The following MBNL1 variants were observed in gnomAD, a reference collection of about 807,000 sequenced individuals.
The protein encoded by MBNL1 is muscleblind like splicing regulator 1.
In MBNL1, 8 loss-of-function variants were observed where a neutral mutation model predicts 42.2. The observed-to-expected ratio is 0.19, with a 90% CI of 0.11 to 0.34. The LOEUF is 0.34. MBNL1 is among the 10% of genes least tolerant of loss of function. MBNL1 has a pLI of 1.00. For missense variants in MBNL1, 309 were observed against 495.3 expected, an observed-to-expected ratio of 0.62 and a Z score of 3.57; for synonymous variants, 169 against 173.9, an observed-to-expected ratio of 0.97 and a Z score of 0.22.
chr3:152,366,768 G>T (rs932799509), intron 2 of MBNL1, among the ~76,000 whole-genome samples: 3 of 152,058 alleles, frequency 2.0e-5, no homozygotes, highest in Admixed American at 6.6e-5. Context: ...TGTTTTTGTT[G>T]TGAAAATTAG....
intron 2 of MBNL1, among the ~76,000 whole-genome samples, chr3:152,388,384 C>T (rs764014048): frequency 6.6e-6 from 1 of 152,194 alleles, no homozygotes; most frequent in Non-Finnish European, 1.5e-5. Flanking sequence ...CAGTGCTTTA[C>T]AAACAGGACT....
chr3:152,333,379 G>T (rs766657301), intron 2 of MBNL1, among the ~76,000 whole-genome samples: 4 of 152,316 alleles, frequency 2.6e-5, no homozygotes, highest in South Asian at 2.1e-4. Context: ...GTGCATATTT[G>T]TACACAGTTA....
intron 2 of MBNL1, among the ~76,000 whole-genome samples, chr3:152,323,041 C>G (rs1348977545): frequency 6.6e-6 from 1 of 152,120 alleles, no homozygotes; most frequent in Non-Finnish European, 1.5e-5. Flanking sequence ...TGGGGTTATA[C>G]TGGTTTCAGT....
At chr3:152,304,297 C>G (rs1054625737) in intron 2 of MBNL1, among the ~76,000 whole-genome samples, 2 of 152,148 alleles carry the variant, frequency 1.3e-5, no homozygotes, top group East Asian at 3.8e-4. Flanking sequence ...AGAAGATCCT[C>G]TGTTGCTAGC....
intron 1 of MBNL1, among the ~76,000 whole-genome samples, chr3:152,274,625 G>A (rs1413066597): frequency 2.0e-5 from 3 of 152,054 alleles, no homozygotes; most frequent in Non-Finnish European, 2.9e-5. Flanking sequence ...TTCTGTTAAC[G>A]CAGTATTCTA....
intron 2 of MBNL1, among the ~76,000 whole-genome samples, chr3:152,262,083 C>T (rs2036389282): frequency 6.6e-6 from 1 of 152,184 alleles, no homozygotes; most frequent in African/African-American, 2.4e-5. Flanking sequence ...TTGCAAAAGA[C>T]TTAATAACTT....
intron 1 of MBNL1, among the ~76,000 whole-genome samples, chr3:152,274,373 A>C (rs79223973): frequency 0.071 from 10,806 of 152,258 alleles, 508 homozygotes; most frequent in Middle Eastern, 0.16. Flanking sequence ...AGATAGATAT[A>C]CGTTGTCCTC....
At chr3:152,362,335 T>C (rs1037683241) in intron 2 of MBNL1, among the ~76,000 whole-genome samples, 1 of 152,160 alleles carries the variant, frequency 6.6e-6, no homozygotes, top group African/African-American at 2.4e-5. Context: ...GAGACAGCAC[T>C]AGTAGGGGTG....
At chr3:152,358,678 TTAAC>T (rs2095703428) in intron 2 of MBNL1, among the ~76,000 whole-genome samples, 1 of 152,170 alleles carries the variant, frequency 6.6e-6, no homozygotes, top group Middle Eastern at 3.2e-3. Context: ...AAGCACTAGT[TTAAC>T]TATCTTTTCT....
intron 3 of MBNL1, among the ~76,000 whole-genome samples, chr3:152,429,101 GAA>G (rs397843450): frequency 1.1e-5 from 1 of 94,732 alleles, no homozygotes; most frequent in Non-Finnish European, 2.6e-5. Context: ...AAACACAAAA[GAA>G]AAGAAAATTA....
At chr3:152,349,403 ACATAT>A (rs2094664903) in intron 2 of MBNL1, among the ~76,000 whole-genome samples, 1 of 152,014 alleles carries the variant, frequency 6.6e-6, no homozygotes, top group Admixed American at 6.6e-5. Flanking sequence ...ACAGTTGGAA[ACATAT>A]CTTATTTTTA....
At chr3:152,349,543 TA>T (rs1210904791) in intron 2 of MBNL1, among the ~76,000 whole-genome samples, 1 of 152,138 alleles carries the variant, frequency 6.6e-6, no homozygotes, top group Non-Finnish European at 1.5e-5. Flanking sequence ...AAAAAATTTT[TA>T]CTCTTGCAAC....
At chr3:152,298,658 G>A (rs1355661896) in intron 1 of MBNL1, among the ~76,000 whole-genome samples, 2 of 152,224 alleles carry the variant, frequency 1.3e-5, no homozygotes, top group Non-Finnish European at 2.9e-5. Flanking sequence ...GTGATATATT[G>A]ACAAAGTGTC....
chr3:152,368,918 A>G (rs6773735), intron 2 of MBNL1, among the ~76,000 whole-genome samples: 1 of 152,184 alleles, frequency 6.6e-6, no homozygotes, highest in Non-Finnish European at 1.5e-5. Context: ...GTGCTGAGAC[A>G]GTGAGGTTTT....
intron 4 of MBNL1, among the ~76,000 whole-genome samples, chr3:152,436,788 G>A (rs912581739): frequency 1.2e-4 from 19 of 152,152 alleles, no homozygotes; most frequent in East Asian, 5.8e-4. Context: ...GCTACTTAGC[G>A]TATTTTGTCT....
intron 2 of MBNL1, among the ~76,000 whole-genome samples, chr3:152,364,181 T>C (rs2153182064): frequency 6.6e-6 from 1 of 152,220 alleles, no homozygotes; most frequent in African/African-American, 2.4e-5. Flanking sequence ...GAGGCTATAG[T>C]AATAATCTCC....
chr3:152,455,731 A>G (rs1732320770), intron 7 of MBNL1, among the ~76,000 whole-genome samples, 154 bp downstream of exon 7: 1 of 152,206 alleles, frequency 6.6e-6, no homozygotes, highest in African/African-American at 2.4e-5. Flanking sequence ...TGTTTAATTG[A>G]CATGGACTCA....
At chr3:152,425,897 C>T (rs536679127) in intron 3 of MBNL1, among the ~76,000 whole-genome samples, 19 of 152,230 alleles carry the variant, frequency 1.2e-4, no homozygotes, top group Middle Eastern at 3.4e-3. Flanking sequence ...CACATGCACA[C>T]GTATGTTTAT....
chr3:152,348,294 A>G (rs1351580032), intron 2 of MBNL1, among the ~76,000 whole-genome samples: 1 of 152,166 alleles, frequency 6.6e-6, no homozygotes, highest in Non-Finnish European at 1.5e-5. Context: ...CAGGTGGATA[A>G]GCCAATGTGT....
Sources: gnomAD v4.1 joint callset for allele counts (sites outside exome capture counted in the v4.1 genomes callset) on GRCh38, gnomAD v4.1.1 for gene constraint, MANE v1.5 for transcripts, NCBI Gene and HGNC (gene_info 2026-07-23, HGNC 2026-07-21) for gene names.